The following WWTR1 variants were observed in gnomAD, a reference collection of about 807,000 sequenced individuals.
The protein encoded by WWTR1 is WW domain containing transcription regulator 1.
A neutral mutation model predicts 40.1 loss-of-function variants in WWTR1; 13 were observed. The ratio of observed to expected loss-of-function variants is 0.32; its 90% CI spans 0.21 to 0.52. The LOEUF is 0.52. Among genes scored for constraint, WWTR1 ranks in the 20% least tolerant of loss-of-function variants. The pLI is 0.97. For synonymous variants in WWTR1, 230 were observed against 210.1 expected, an observed-to-expected ratio of 1.09 and a Z score of -0.82; for missense variants, 436 against 523.1, an observed-to-expected ratio of 0.83 and a Z score of 1.63.
At position 149,549,925 on chromosome 3, in the gene WWTR1, T is replaced by C. The variant is rs1359489713; in HGVS notation, c.569-7388A>G. Among the ~76,000 whole-genome samples, 6 of 152,108 alleles carry C rather than the reference T, an allele frequency of 3.9e-5. No individual in the cohort carries two copies. In the East Asian group the frequency reaches 1.2e-3, roughly 30 times the overall value. On this transcript the variant is annotated intron_variant, in intron 3 of 6. Transcript: ENST00000360632. ...TGGGACTCTGGAACAGAAAAAGATA[T>C]TAGATAAAAACTAAAGAAATCTGAA...
At chr3:149,595,574 G>T (rs1738962129) in intron 2 of WWTR1, among the ~76,000 whole-genome samples, 1 of 151,950 alleles carries the variant, frequency 6.6e-6, no homozygotes, top group Admixed American at 6.6e-5. Flanking sequence ...AGGGGTATAT[G>T]GTGGGTCATT....
At chr3:149,571,461 T>C (rs1193035387) in intron 3 of WWTR1, among the ~76,000 whole-genome samples, 1 of 152,194 alleles carries the variant, frequency 6.6e-6, no homozygotes, top group Non-Finnish European at 1.5e-5. Context: ...CTGGAGGCTT[T>C]GGTTTACCAC....
chr3:149,689,478 G>A (rs1714753948), intron 1 of WWTR1, among the ~76,000 whole-genome samples: 1 of 149,874 alleles, frequency 6.7e-6, no homozygotes, highest in Middle Eastern at 3.4e-3. Flanking sequence ...ACTCCCAGAG[G>A]TCAAGGATAA....
rs902852849 is a variant in WWTR1, at chr3:149,581,714, G to A, written c.432-8714C>T. On this transcript the variant is annotated intron_variant, in intron 2 of 6. Transcript: ENST00000360632. ...TTTTAACTACCAGGCTCTAATCCTC[G>A]ACTTCCCTCACAGACTTGCCAAGAA... 6.6e-5 allele frequency among the ~76,000 whole-genome samples: 10 copies of A among 152,206 alleles called. No homozygotes were observed. The Middle Eastern group carries it at 0.01, about 155-fold the overall frequency.
At chr3:149,699,683 C>T (rs1043026683) in intron 1 of WWTR1, among the ~76,000 whole-genome samples, 3 of 152,194 alleles carry the variant, frequency 2.0e-5, no homozygotes, top group Admixed American at 1.3e-4. Context: ...CATGAGTAAC[C>T]TGTACTGCAG....
upstream of WWTR1, among the ~76,000 whole-genome samples, chr3:149,706,311 C>T (rs1715335246): frequency 6.6e-6 from 1 of 152,172 alleles, no homozygotes; most frequent in African/African-American, 2.4e-5. Flanking sequence ...AGTATTTCTA[C>T]TAACACTGAC....
At chr3:149,598,429 T>C (rs1392625633) in intron 2 of WWTR1, among the ~76,000 whole-genome samples, 1 of 152,218 alleles carries the variant, frequency 6.6e-6, no homozygotes, top group African/African-American at 2.4e-5. Flanking sequence ...TGCCTGAAGC[T>C]ACATAGCTCA....
At chr3:149,611,746 A>C (rs898273137) in intron 2 of WWTR1, among the ~76,000 whole-genome samples, 1 of 152,282 alleles carries the variant, frequency 6.6e-6, no homozygotes, top group Middle Eastern at 3.4e-3. Context: ...ACATGGTTTA[A>C]CAGTTAATAA....
At chr3:149,523,257 T>C (rs1255264207) in intron 6 of WWTR1, among the ~76,000 whole-genome samples, 1 of 151,946 alleles carries the variant, frequency 6.6e-6, no homozygotes, top group Non-Finnish European at 1.5e-5. Context: ...AATTCTTTTT[T>C]TTTTTTTTGA....
At chr3:149,596,870 C>G (rs1739024288) in intron 2 of WWTR1, among the ~76,000 whole-genome samples, 1 of 152,220 alleles carries the variant, frequency 6.6e-6, no homozygotes, top group African/African-American at 2.4e-5. Flanking sequence ...AGCTCCTACA[C>G]TTTCTACTTA....
At chr3:149,663,567 G>A (rs888969489) in intron 2 of WWTR1, among the ~76,000 whole-genome samples, 16 of 152,132 alleles carry the variant, frequency 1.1e-4, no homozygotes, top group East Asian at 7.8e-4. Flanking sequence ...GTGGTGGCGC[G>A]TGCCTGTAAT....
chr3:149,701,267 T>C (rs1331865830), intron 1 of WWTR1, among the ~76,000 whole-genome samples: 1 of 152,214 alleles, frequency 6.6e-6, no homozygotes, highest in Non-Finnish European at 1.5e-5. Flanking sequence ...TCACCTTAGT[T>C]TGGGACCAAA....
intron 2 of WWTR1, among the ~76,000 whole-genome samples, chr3:149,646,686 T>C (rs6779455): frequency 0.42 from 63,114 of 152,012 alleles, 13,468 homozygotes; most frequent in Middle Eastern, 0.6. Flanking sequence ...GATTGACAGA[T>C]AGAACAGTGG....
intron 2 of WWTR1, among the ~76,000 whole-genome samples, chr3:149,622,891 A>AAAT (rs3044088): frequency 0.55 from 83,762 of 151,104 alleles, 24,369 homozygotes; most frequent in Middle Eastern, 0.71. Context: ...CCTTGTCTCA[A>AAAT]AATAATAATA....
intron 5 of WWTR1, among the ~76,000 whole-genome samples, chr3:149,716,474 T>G (rs1394037671): frequency 1.3e-5 from 2 of 152,104 alleles, no homozygotes; most frequent in African/African-American, 4.8e-5. Flanking sequence ...TTGATACTTG[T>G]CAAAGCCACA....
intron 2 of WWTR1, among the ~76,000 whole-genome samples, chr3:149,667,987 T>A (rs1042444747): frequency 5.9e-5 from 9 of 152,238 alleles, no homozygotes; most frequent in African/African-American, 2.2e-4. Flanking sequence ...ATTCTGTAAC[T>A]GCTGTCTGTG....
chr3:149,539,367 C>A (rs1385776537), intron 4 of WWTR1, among the ~76,000 whole-genome samples: 4 of 152,154 alleles, frequency 2.6e-5, no homozygotes, highest in Non-Finnish European at 5.9e-5. Context: ...ATTTTGCCAA[C>A]CTCCCTTTCT....
intron 3 of WWTR1, among the ~76,000 whole-genome samples, chr3:149,569,559 G>C (rs1206976178): frequency 6.6e-6 from 1 of 151,898 alleles, no homozygotes; most frequent in African/African-American, 2.4e-5. Flanking sequence ...AAACATACAG[G>C]GACCAAATAC....
At chr3:149,645,752 A>G (rs939932255) in intron 2 of WWTR1, among the ~76,000 whole-genome samples, 22 of 152,210 alleles carry the variant, frequency 1.4e-4, no homozygotes, top group African/African-American at 5.3e-4. Flanking sequence ...GGAGAAAGAT[A>G]TTCAGTATTT....
Sources: gnomAD v4.1 joint callset for allele counts (sites outside exome capture counted in the v4.1 genomes callset) on GRCh38, gnomAD v4.1.1 for gene constraint, MANE v1.5 for transcripts, NCBI Gene and HGNC (gene_info 2026-07-23, HGNC 2026-07-21) for gene names.